Variants in DGLUCY observed in about 807,000 individuals in gnomAD.
DGLUCY encodes the protein D-glutamate cyclase, mitochondrial.
In DGLUCY, 58 loss-of-function variants were observed where a neutral mutation model predicts 58.5. The observed-to-expected ratio is 0.99, with a 90% confidence interval of 0.80 to 1.23. The LOEUF (loss-of-function observed/expected upper bound fraction) is 1.23. Ranked by LOEUF, DGLUCY falls within the 50% of genes most tolerant of loss-of-function variation. The pLI, the probability that DGLUCY is intolerant of heterozygous loss-of-function variation, is 0.00. For missense variants in DGLUCY, 779 were observed against 784.7 expected (o/e 0.99, Z 0.09); for synonymous variants, 325 against 314.1 (o/e 1.03, Z -0.37).
intron 12 of DGLUCY, among the ~76,000 whole-genome samples, chr14:91,205,542 A>C (rs1354423019): frequency 6.6e-6 from 1 of 152,160 alleles, no homozygotes; most frequent in Non-Finnish European, 1.5e-5. Context: ...GGAAAACCTG[A>C]TTCGTAATTG....
intron 11 of DGLUCY, among the ~76,000 whole-genome samples, chr14:91,202,113 T>C (rs979433017): frequency 1.6e-5 from 2 of 124,460 alleles, no homozygotes; most frequent in Non-Finnish European, 3.6e-5. Context: ...CACAAAACTT[T>C]GTACTTTTCC....
chr14:91,211,521 C>A (rs1375914425), intron 12 of DGLUCY, among the ~76,000 whole-genome samples: 5 of 152,138 alleles, frequency 3.3e-5, no homozygotes, highest in Admixed American at 3.3e-4. Flanking sequence ...CAGAAGTAGA[C>A]CCACACAAAT....
chr14:91,194,110 G>T (rs942230824), intron 9 of DGLUCY, among the ~76,000 whole-genome samples: 4 of 152,172 alleles, frequency 2.6e-5, no homozygotes, highest in African/African-American at 9.7e-5. Context: ...CAGTAAGAAA[G>T]AAACATCCTT....
chr14:91,160,449 C>A, intron 3 of DGLUCY, 52 bp downstream of exon 3: 3 of 1,311,304 alleles, frequency 2.3e-6, no homozygotes, highest in African/African-American at 1.5e-5. Flanking sequence ...AAAGAAAGTT[C>A]CTGGGAATTA....
chr14:91,068,083 A>T (rs893123251), intron 1 of DGLUCY, among the ~76,000 whole-genome samples: 1 of 122,408 alleles, frequency 8.2e-6, no homozygotes, highest in Non-Finnish European at 1.7e-5. Context: ...GCGCACGCAC[A>T]CACACACACA....
At chr14:91,178,857 C>G (rs1397240152) in intron 7 of DGLUCY, among the ~76,000 whole-genome samples, 8 of 151,822 alleles carry the variant, frequency 5.3e-5, no homozygotes, top group Non-Finnish European at 1.0e-4. Context: ...ATGGTAAAAC[C>G]CTGTCTCTAC....
At chr14:91,215,720 T>C in intron 13 of DGLUCY, 164 bp downstream of exon 13, 2 of 1,522,252 alleles carry the variant, frequency 1.3e-6, no homozygotes, top group Non-Finnish European at 1.8e-6. Context: ...TGGGTGCCCT[T>C]TAAGCTACTC....
chr14:91,159,322 C>T (rs1287488228), intron 2 of DGLUCY, among the ~76,000 whole-genome samples: 1 of 152,052 alleles, frequency 6.6e-6, no homozygotes, highest in Non-Finnish European at 1.5e-5. Flanking sequence ...TGGCACATAC[C>T]TGTAATCCCA....
chr14:91,151,917 G>A (rs1388249136), intron 1 of DGLUCY, among the ~76,000 whole-genome samples: 5 of 152,006 alleles, frequency 3.3e-5, no homozygotes, highest in Non-Finnish European at 5.9e-5. Flanking sequence ...GATTACAGGC[G>A]TGAGCCACCC....
At chr14:91,087,312 A>AC (rs1233768835) in intron 1 of DGLUCY, among the ~76,000 whole-genome samples, 24 of 151,152 alleles carry the variant, frequency 1.6e-4, no homozygotes, top group African/African-American at 4.9e-4. Context: ...GCCCTACAGA[A>AC]CCCCCCCTGT....
chr14:91,069,685 A>G (rs2140025572), intron 1 of DGLUCY, among the ~76,000 whole-genome samples: 1 of 151,860 alleles, frequency 6.6e-6, no homozygotes, highest in East Asian at 1.9e-4. Flanking sequence ...GTTACAGAAC[A>G]CATGGGCTGA....
At chr14:91,127,905 C>T (rs2045801654) in intron 1 of DGLUCY, among the ~76,000 whole-genome samples, 1 of 151,826 alleles carries the variant, frequency 6.6e-6, no homozygotes, top group Non-Finnish European at 1.5e-5. Context: ...GGGCAGCACA[C>T]CCCAGGCACC....
chr14:91,202,121 T>G lies in DGLUCY; in HGVS notation c.1444+2216T>G, dbSNP rs2050612698. Among the ~76,000 whole-genome samples the G allele has an allele frequency of 2.0e-5, 3 of 151,188 alleles. No homozygotes were observed. In the South Asian group the frequency reaches 6.2e-4, roughly 31 times the overall value. On this transcript the variant is annotated intron_variant, in intron 11 of 13. Transcript: ENST00000256324. ...GTGTTTGCACAAAACTTTGTACTTTTCCAAGAGGCTTCACATTCATTGTAG... is the reference window on the plus strand; with the variant it reads ...GTGTTTGCACAAAACTTTGTACTTTGCCAAGAGGCTTCACATTCATTGTAG...
intron 1 of DGLUCY, among the ~76,000 whole-genome samples, chr14:91,136,475 G>A (rs984233183): frequency 1.9e-4 from 29 of 152,068 alleles, no homozygotes; most frequent in African/African-American, 6.0e-4. Flanking sequence ...TTGAGGTCAG[G>A]AGTTCAAGAC....
intron 10 of DGLUCY, 64 bp downstream of exon 10, chr14:91,196,538 G>A: frequency 1.5e-6 from 2 of 1,378,334 alleles, no homozygotes; most frequent in Non-Finnish European, 2.0e-6. Flanking sequence ...TCTTCACTTA[G>A]CCAACAAAGT....
intron 1 of DGLUCY, among the ~76,000 whole-genome samples, chr14:91,091,838 C>G (rs2044317040): frequency 1.3e-5 from 2 of 152,162 alleles, no homozygotes; most frequent in Non-Finnish European, 2.9e-5. Flanking sequence ...ACTCTCCTGC[C>G]TCAGCCAGGC....
Position 91,176,119 on chromosome 14 carries a change from C to G in DGLUCY, c.730+63C>G. On this transcript the variant is annotated intron_variant, in intron 7 of 13. Transcript: ENST00000256324. ...GGATGGAGCCCAGTGGGGTCTAGTT[C>G]TTGAAAGCATATTCTCGTAGTACAA... is the stretch of plus-strand genomic sequence containing the variant. 8 of 1,562,318 alleles carry G rather than the reference C, an allele frequency of 5.1e-6. No individual in the cohort carries two copies. In the South Asian group the frequency reaches 9.2e-5, roughly 18 times the overall value.
In DGLUCY at chr14:91,196,488, A is replaced by G. The variant is rs2295525; in HGVS notation, c.1295+14A>G. ...GCAGACACCTAGGTACGTATGTCGC[A>G]TCCCAGTTTAAGTGGCGGATGGTGG... On this transcript the variant is annotated intron_variant, in intron 10 of 13. Coordinates refer to ENST00000256324, the MANE Select transcript of DGLUCY (RefSeq NM_001102368.3). 0.11 allele frequency: 171,679 copies of G among 1,607,922 alleles called. 11,069 individuals are homozygous for G. Among genetic ancestry groups the G allele is most frequent in the African/African-American group, 0.27 (20,410 of 74,764 alleles).
intron 1 of DGLUCY, among the ~76,000 whole-genome samples, chr14:91,120,469 A>G (rs915112341): frequency 3.5e-4 from 53 of 152,274 alleles, no homozygotes; most frequent in Admixed American, 1.8e-3. Context: ...CAATCACGCT[A>G]TCTCAGCTCA....
Sources: gnomAD v4.1 joint callset for allele counts (sites outside exome capture counted in the v4.1 genomes callset) on GRCh38, gnomAD v4.1.1 for gene constraint, MANE v1.5 for transcripts, NCBI Gene and HGNC (gene_info 2026-07-23, HGNC 2026-07-21) for gene names.